Variants in TAGAP observed in about 807,000 individuals in gnomAD.
The protein encoded by TAGAP is T-cell activation Rho GTPase-activating protein.
In TAGAP, 16 loss-of-function variants were observed where a neutral mutation model predicts 36.0. The observed-to-expected ratio is 0.44, with a 90% confidence interval of 0.30 to 0.68. The LOEUF is 0.68. Ranked by LOEUF, TAGAP falls within the 30% of genes least tolerant of loss-of-function variation. TAGAP has a pLI of 0.09. For missense variants in TAGAP, 794 were observed against 921.5 expected (o/e 0.86, Z 1.79); for synonymous variants, 372 against 377.4 (o/e 0.99, Z 0.17).
In TAGAP at chr6:159,035,082, C is replaced by T. The variant is rs1779483811; in HGVS notation, c.*745G>A. The stretch of plus-strand genomic sequence containing the variant: ...CCCCAATGCATATAAAATCATTTAC[C>T]TCCACATTATAGGATAGGATATCAT... On this transcript the variant is annotated 3_prime_UTR_variant, in exon 10 of 10. Coordinates refer to ENST00000367066, the MANE Select transcript of TAGAP (RefSeq NM_054114.5). The T allele has an allele frequency of 6.6e-6, 1 of 152,200 alleles. No homozygotes were observed. The allele number at this position is 152,200 out of a possible 1,614,324, so 9.4% of individuals were successfully genotyped here.
chr6:159,039,337 T>G (rs749782286), intron 7 of TAGAP, 28 bp from the exon 8 acceptor site: 4 of 1,603,654 alleles, frequency 2.5e-6, no homozygotes, highest in Middle Eastern at 2.2e-4. Flanking sequence ...GATGTTAGTT[T>G]TCAAAAAGGC....
rs753519643 is a variant in TAGAP at position 159,042,268 on chromosome 6, C to T, written c.149-24G>A. On this transcript the variant is annotated intron_variant, in intron 4 of 9. Transcript: ENST00000367066. ...TTCTACAGCCAAGAAAACAAGGCAA[C>T]GAGAAAAATTAGACTACAGTGTTAA... 31 of 1,597,434 alleles carry T rather than the reference C, an allele frequency of 1.9e-5. No homozygotes were observed. In the East Asian group the frequency reaches 2.0e-4, roughly 10 times the overall value.
chr6:159,036,387 C>T lies in TAGAP; in HGVS notation c.1636G>A (p.Glu546Lys), dbSNP rs866845381. The change falls in exon 10 of 10, where the codon GAA (glutamate) becomes AAA (lysine). Residue 546 changes from glutamate to lysine, a missense_variant. Physicochemically the swap from Glu to Lys is moderately conservative, Grantham distance 56. Transcript: ENST00000367066. This position sits in a 1 kb window ranked among gnomAD's most constrained non-coding sequence, Gnocchi z 4.9. ...RDHVPRGVRK[E>K]SQLAGRIVQE... The stretch of plus-strand genomic sequence containing the variant: ...ACGATTCGGCCGGCAAGCTGGCTTT[C>T]CTTTCTGACACCCCTCGGGACGTGG... 1 of 1,614,172 alleles carries T rather than the reference C, an allele frequency of 6.2e-7. No individual in the cohort carries two copies.
chr6:159,038,764 A>T, intron 8 of TAGAP: 2 of 361,188 alleles, frequency 5.5e-6, no homozygotes, highest in Non-Finnish European at 8.3e-6. Context: ...AAAAAAATTT[A>T]AAGTATTAAT....
rs1276790499 is a variant in TAGAP, at chr6:159,044,232, A to T, written c.-58-28T>A. On this transcript the variant is annotated intron_variant, in intron 1 of 9. Coordinates refer to ENST00000367066, the MANE Select transcript of TAGAP (RefSeq NM_054114.5). The stretch of plus-strand genomic sequence containing the variant: ...ACAACGAATCACATGGAAAGGAGTT[A>T]GGAGGGACTCACACAGTAGGCCACT... The T allele has an allele frequency of 4.0e-6, 6 of 1,495,072 alleles. No individual in the cohort carries two copies. In the Admixed American group the frequency reaches 1.3e-4, roughly 33 times the overall value. The allele number at this position is 1,495,072 out of a possible 1,614,324, so 92.6% of individuals were successfully genotyped here.
intron 1 of TAGAP, among the ~76,000 whole-genome samples, chr6:159,044,518 A>G (rs1283481681): frequency 6.6e-6 from 1 of 152,206 alleles, no homozygotes; most frequent in Admixed American, 6.5e-5. Flanking sequence ...TAATCTGGAT[A>G]TCAATTACGT....
chr6:159,038,236 G>A lies in TAGAP; in HGVS notation c.784-8C>T. The A allele has an allele frequency of 7.6e-7, 1 of 1,322,604 alleles. No homozygotes were observed. The highest frequency in any genetic ancestry group is 1.1e-6 in the Non-Finnish European group (1 of 929,458). The allele number at this position is 1,322,604 out of a possible 1,614,324, so 81.9% of individuals were successfully genotyped here. On this transcript the variant is annotated splice_polypyrimidine_tract_variant and splice_region_variant and intron_variant, in intron 8 of 9. Coordinates refer to ENST00000367066, the MANE Select transcript of TAGAP (RefSeq NM_054114.5). ...TTCCACCAGTGTCTTCACCTGTGAG[G>A]AAAAGTAAGCAATTTGTCAGCTTGA...
chr6:159,040,917 A>C, intron 6 of TAGAP, 85 bp from the exon 7 acceptor site: 1 of 1,009,094 alleles, frequency 9.9e-7, no homozygotes, highest in South Asian at 1.4e-5. Flanking sequence ...GTTCCATCGC[A>C]GGGTGCTCTA....
At chr6:159,044,387 G>A (rs1467658333) in intron 1 of TAGAP, among the ~76,000 whole-genome samples, 183 bp from the exon 2 acceptor site, 4 of 152,134 alleles carry the variant, frequency 2.6e-5, no homozygotes, top group Non-Finnish European at 5.9e-5. Context: ...AATCAGTTCT[G>A]TTACCAGATG....
At chr6:159,044,295 A>C (rs1200582738) in intron 1 of TAGAP, 91 bp from the exon 2 acceptor site, 13 of 688,348 alleles carry the variant, frequency 1.9e-5, no homozygotes, top group Non-Finnish European at 2.9e-5. Context: ...GTTTGAAACT[A>C]TTTATTTATT....
Position 159,036,369 on chromosome 6 carries a change from GGC to G in TAGAP, c.1652_1653del (p.Gly551AlafsTer9). The G allele has an allele frequency of 6.2e-7, 1 of 1,613,954 alleles. No homozygotes were observed. Among genetic ancestry groups the G allele is most frequent in the Non-Finnish European group, 8.5e-7 (1 of 1,180,016 alleles). On this transcript the variant is annotated frameshift_variant, in exon 10 of 10. Transcript: ENST00000367066. LOFTEE classifies it low-confidence loss of function (END_TRUNC). This position sits in a 1 kb window ranked among gnomAD's most constrained non-coding sequence, Gnocchi z 4.9. ...RGVRKESQLA[G>X]RIVQENGCET... Reference sequence around the variant, plus strand: ...TCACACCCATTTTCCTGCACGATTCGGCCGGCAAGCTGGCTTTCCTTTCTGAC... The same window carrying G: ...TCACACCCATTTTCCTGCACGATTCGCGGCAAGCTGGCTTTCCTTTCTGAC...
Position 159,039,418 on chromosome 6 carries a change from A to G in TAGAP, c.588-109T>C, listed in dbSNP as rs1253470475. On this transcript the variant is annotated intron_variant, in intron 7 of 9. Transcript: ENST00000367066. ...ACTTCCTTTAAAATGAGGAAGGTGC[A>G]TTTTCACAAGTAATATTGTGAAATG... 3.4e-6 allele frequency: 4 copies of G among 1,166,124 alleles called. No individual in the cohort carries two copies. The African/African-American group carries it at 6.1e-5, about 18-fold the overall frequency. 72.2% of individuals were successfully genotyped at this position (1,166,124 alleles called of 1,614,324 possible).
chr6:159,044,700 C>G (rs191211102), intron 1 of TAGAP, among the ~76,000 whole-genome samples, 179 bp downstream of exon 1: 2 of 151,802 alleles, frequency 1.3e-5, no homozygotes, highest in Non-Finnish European at 2.9e-5. Context: ...ATAACATTTA[C>G]AGAACTCCTA....
chr6:159,044,239 A>G (rs1428991131), intron 1 of TAGAP, 35 bp from the exon 2 acceptor site: 49 of 1,409,694 alleles, frequency 3.5e-5, no homozygotes, highest in Non-Finnish European at 4.4e-5. Context: ...GTTAGGAGGG[A>G]CTCACACAGT....
rs562716751 is a variant in TAGAP at position 159,036,971 on chromosome 6, C to T, written c.1052G>A (p.Arg351Gln). 6.8e-6 allele frequency: 11 copies of T among 1,613,586 alleles called. No individual in the cohort carries two copies. Among genetic ancestry groups the T allele is most frequent in the East Asian group, 4.5e-5 (2 of 44,838 alleles). ...GLDSAGPQDA[R>Q]EVSPEPIVST... ...CACAATGGGCTCTGGGCTGACCTCT[C>T]GGGCATCCTGTGGGCCCGCGCTATC... Residue 351 changes from arginine (R) to glutamine (Q), a missense_variant, in exon 10 of 10, where the codon CGA (arginine) becomes CAA (glutamine). Coordinates refer to ENST00000367066, the MANE Select transcript of TAGAP (RefSeq NM_054114.5). This position sits in a 1 kb window ranked among gnomAD's most constrained non-coding sequence, Gnocchi z 4.9.
chr6:159,036,990 C>T lies in TAGAP; in HGVS notation c.1033G>A (p.Ala345Thr), dbSNP rs139309613. The change falls in exon 10 of 10, where the codon GCG becomes ACG. Residue 345 changes from alanine to threonine, a missense_variant. Transcript: ENST00000367066. The surrounding 1 kb of genome is among the most constrained non-coding windows in gnomAD (Gnocchi z 4.9). ...ACCTCTCGGGCATCCTGTGGGCCCG[C>T]GCTATCCAAGCCAGCAGCTGTGGCC... ...PMATAAGLDS[A>T]GPQDAREVSP... 2.1e-4 allele frequency: 336 copies of T among 1,613,646 alleles called. No individual in the cohort carries two copies. The highest frequency in any genetic ancestry group is 2.6e-4 in the Non-Finnish European group (307 of 1,179,916).
In TAGAP at chr6:159,035,813, G is replaced by C; in HGVS notation, c.*14C>G. 1 of 1,578,308 alleles carries C rather than the reference G, an allele frequency of 6.3e-7. No individual in the cohort carries two copies. Among genetic ancestry groups the C allele is most frequent in the Non-Finnish European group, 8.7e-7 (1 of 1,154,230 alleles). ...CAGATAGCACAAGCTATGGCATGGC[G>C]TATGGCCTCCCTCCTAAATATACGA... On this transcript the variant is annotated 3_prime_UTR_variant, in exon 10 of 10. Coordinates refer to ENST00000367066, the MANE Select transcript of TAGAP (RefSeq NM_054114.5).
Position 159,036,530 on chromosome 6 carries a change from C to T in TAGAP, c.1493G>A (p.Gly498Asp), listed in dbSNP as rs750610271. 12 of 1,614,016 alleles carry T rather than the reference C, an allele frequency of 7.4e-6. No homozygotes were observed. The highest frequency in any genetic ancestry group is 1.0e-5 in the Non-Finnish European group (12 of 1,180,030). The change falls in exon 10 of 10, where the codon GGC becomes GAC. Residue 498 changes from glycine (G) to aspartate (D), a missense_variant. Coordinates refer to ENST00000367066, the MANE Select transcript of TAGAP (RefSeq NM_054114.5). The surrounding 1 kb of genome is among the most constrained non-coding windows in gnomAD (Gnocchi z 4.9). The stretch of plus-strand genomic sequence containing the variant: ...CTTTTTAATTTCTCGGCTGGGCTTG[C>T]CTTTCTCTGTCTTTGTGGTGAAAGA... Reference protein sequence around the residue: ...HQSFTTKTEKGKPSREIKKHS... With the variant: ...HQSFTTKTEKDKPSREIKKHS...
At chr6:159,042,685 G>T (rs1474386013) in intron 4 of TAGAP, 1 of 158,266 alleles carries the variant, frequency 6.3e-6, no homozygotes, top group African/African-American at 2.4e-5. Context: ...AGGTGAGGAA[G>T]TGACTTGCTG....
Sources: gnomAD v4.1 joint callset for allele counts (sites outside exome capture counted in the v4.1 genomes callset) on GRCh38, gnomAD v4.1.1 for gene constraint, Gnocchi (gnomAD v3.1) non-coding constraint, MANE v1.5 for transcripts, NCBI Gene and HGNC (gene_info 2026-07-23, HGNC 2026-07-21) for gene names.